Variants in LRIG2 observed in about 807,000 individuals in gnomAD.
The protein encoded by LRIG2 is leucine rich repeats and immunoglobulin like domains 2.
Under a neutral mutation model 107.8 loss-of-function variants are expected in LRIG2, and 93 were observed. The observed-to-expected ratio is 0.86, with a 90% CI of 0.73 to 1.03. The LOEUF is 1.03. Among genes scored for constraint, LRIG2 ranks in the 50% least tolerant of loss-of-function variants. The pLI, the probability that LRIG2 is intolerant of heterozygous loss-of-function variation, is 0.00. For missense variants in LRIG2, 1,226 were observed against 1,296.0 expected, an observed-to-expected ratio of 0.95 and a Z score of 0.83; for synonymous variants, 471 against 470.6, an observed-to-expected ratio of 1.00 and a Z score of -0.01.
chr1:113,111,360 A>G (rs1654766532), intron 13 of LRIG2, among the ~76,000 whole-genome samples: 1 of 152,328 alleles, frequency 6.6e-6, no homozygotes, highest in East Asian at 1.9e-4. Flanking sequence ...TTTGGGGTAC[A>G]AGTGAGTTTT....
chr1:113,091,039 A>C (rs1338255139), intron 1 of LRIG2, among the ~76,000 whole-genome samples: 5 of 151,380 alleles, frequency 3.3e-5, no homozygotes, highest in African/African-American at 9.7e-5. Flanking sequence ...TTTAGTAGAG[A>C]TGGGGTTTCA....
At chr1:113,096,442 T>G in intron 8 of LRIG2, 77 bp downstream of exon 8, 1 of 1,447,840 alleles carries the variant, frequency 6.9e-7, no homozygotes, top group Non-Finnish European at 9.4e-7. Context: ...TTAAAACAAC[T>G]AATCAGTCTG....
rs142328904 is a variant in LRIG2, at chr1:113,116,720, G to T, written c.2680+284G>T. Among the ~76,000 whole-genome samples the T allele has an allele frequency of 3.6e-3, 542 of 152,230 alleles. 4 individuals are homozygous for T. Among genetic ancestry groups the T allele is most frequent in the African/African-American group, 0.012 (516 of 41,544 alleles). On this transcript the variant is annotated intron_variant, in intron 16 of 17. Transcript: ENST00000361127. ...AGGGATATTCTGCAAACTTTTTTCA[G>T]GTATCTCTTTCTTACCCTTTTCAGG...
chr1:113,107,703 G>A lies in LRIG2; in HGVS notation c.1423G>A (p.Glu475Lys). ...HSVNVSCAHP[E>K]WLAGQSILNV... ...TGTGAATGTAAGCTGTGCACACCCT[G>A]AATGGCTAGCAGGGCAAAGCATCCT... The change falls in exon 12 of 18, where the codon GAA becomes AAA. Residue 475 changes from glutamate to lysine, a missense_variant. By Grantham distance (56) the Glu-to-Lys change is moderately conservative. This residue lies in a region of LRIG2 where 14 missense variants were observed against 33.6 expected (regional missense o/e 0.42). Transcript: ENST00000361127. The A allele has an allele frequency of 6.2e-7, 1 of 1,613,626 alleles. No individual in the cohort carries two copies.
intron 8 of LRIG2, among the ~76,000 whole-genome samples, chr1:113,098,019 CTTAAGGAA>C (rs1654141828): frequency 6.6e-6 from 1 of 152,082 alleles, no homozygotes; most frequent in Admixed American, 6.6e-5. Context: ...TATGAGATGA[CTTAAGGAA>C]GCAAAAGCGA....
rs375852523 is a variant in LRIG2, at chr1:113,119,400, C to G, written c.2848C>G (p.Pro950Ala). The change falls in exon 17 of 18, where the codon CCT becomes GCT. Residue 950 changes from proline (P) to alanine (A), a missense_variant. Physicochemically the swap from Pro to Ala is conservative, Grantham distance 27. Around this residue, in one of 3 missense-constraint regions of LRIG2, gnomAD observed 642 missense variants for 712.2 expected, o/e 0.90. Transcript: ENST00000361127. ...QMPKETYLVH[P>A]PQDTTALESL... is the part of the protein sequence containing the mutation. ...GCCTAAAGAGACATATTTAGTACAT[C>G]CTCCCCAGGATACTACTGCCCTAGA... is the stretch of plus-strand genomic sequence containing the variant. 6.2e-7 allele frequency: 1 copy of G among 1,614,042 alleles called. No homozygotes were observed. Among genetic ancestry groups the G allele is most frequent in the Admixed American group, 1.7e-5 (1 of 60,000 alleles).
chr1:113,122,125 CA>C (rs1655288727), intron 17 of LRIG2, among the ~76,000 whole-genome samples: 1 of 149,044 alleles, frequency 6.7e-6, no homozygotes, highest in South Asian at 2.2e-4. Flanking sequence ...CTCTGTCGCC[CA>C]GGCTGGAGTG....
At chr1:113,087,207 T>A (rs982797937) in intron 1 of LRIG2, among the ~76,000 whole-genome samples, 1 of 151,828 alleles carries the variant, frequency 6.6e-6, no homozygotes, top group African/African-American at 2.4e-5. Context: ...TCCTGCTTTT[T>A]AAAAAAAAAT....
At chr1:113,080,924 A>G (rs1570724607) in intron 1 of LRIG2, among the ~76,000 whole-genome samples, 1 of 148,574 alleles carries the variant, frequency 6.7e-6, no homozygotes, top group South Asian at 2.1e-4. Flanking sequence ...GCTCACTGCA[A>G]CCTGTGCTTC....
chr1:113,074,317 C>T (rs894781350), intron 1 of LRIG2, among the ~76,000 whole-genome samples: 3 of 152,176 alleles, frequency 2.0e-5, no homozygotes, highest in East Asian at 1.9e-4. Context: ...TTCAGCGCAT[C>T]TTCTTGTGGC....
At chr1:113,109,394 C>T (rs540608078) in intron 12 of LRIG2, among the ~76,000 whole-genome samples, 143 of 152,346 alleles carry the variant, frequency 9.4e-4, no homozygotes, top group African/African-American at 3.4e-3. Flanking sequence ...TTCACTACTT[C>T]AGGTGAAACC....
At position 113,114,650 on chromosome 1, in the gene LRIG2, G is replaced by T. The variant is rs1654923231; in HGVS notation, c.2304G>T (p.Met768Ile). Residue 768 changes from methionine (M) to isoleucine (I), a missense_variant, in exon 15 of 18, where the codon ATG becomes ATT. Met to Ile is a conservative substitution (Grantham distance 10). This residue lies in a region of LRIG2 where 642 missense variants were observed against 712.2 expected (regional missense o/e 0.90). Transcript: ENST00000361127. ...ATGCTGGGAAATATACCTGCATTAT[G>T]TCTAACACCCTTGGGACAGAACGTG... ...LEDAGKYTCI[M>I]SNTLGTERGH... 1 of 1,613,980 alleles carries T rather than the reference G, an allele frequency of 6.2e-7. No individual in the cohort carries two copies. The highest frequency in any genetic ancestry group is 1.7e-5 in the Admixed American group (1 of 59,984).
At chr1:113,086,839 C>T (rs1225819399) in intron 1 of LRIG2, among the ~76,000 whole-genome samples, 3 of 152,140 alleles carry the variant, frequency 2.0e-5, no homozygotes, top group Admixed American at 6.6e-5. Flanking sequence ...GACCTTTACT[C>T]CTCTGTCATC....
intron 1 of LRIG2, among the ~76,000 whole-genome samples, chr1:113,081,188 A>G (rs1200545589): frequency 6.6e-6 from 1 of 152,128 alleles, no homozygotes; most frequent in African/African-American, 2.4e-5. Flanking sequence ...TGCATCTGGG[A>G]TGTTTCGTCT....
At chr1:113,120,830 T>A (rs1337148954) in intron 17 of LRIG2, among the ~76,000 whole-genome samples, 3 of 150,840 alleles carry the variant, frequency 2.0e-5, no homozygotes, top group African/African-American at 4.9e-5. Context: ...TTTTTTTTTT[T>A]TTATTTGAGA....
chr1:113,100,149 G>T, intron 9 of LRIG2, 62 bp from the exon 10 acceptor site: 1 of 1,004,626 alleles, frequency 1.0e-6, no homozygotes, highest in South Asian at 1.7e-5. Flanking sequence ...ATAGGTAAAT[G>T]TTTAATGAAT....
intron 2 of LRIG2, among the ~76,000 whole-genome samples, chr1:113,092,430 G>A (rs532866609): frequency 2.6e-5 from 4 of 152,270 alleles, no homozygotes; most frequent in Non-Finnish European, 5.9e-5. Context: ...TGGGTGGGCT[G>A]ATAAATTTCA....
chr1:113,099,541 G>A (rs1269564512), intron 9 of LRIG2, among the ~76,000 whole-genome samples: 1 of 151,934 alleles, frequency 6.6e-6, no homozygotes, highest in Non-Finnish European at 1.5e-5. Flanking sequence ...TGCCCAGCTA[G>A]TTTTTTTGTT....
chr1:113,108,560 T>G (rs201154878), intron 12 of LRIG2, among the ~76,000 whole-genome samples: 1 of 151,624 alleles, frequency 6.6e-6, no homozygotes, highest in Non-Finnish European at 1.5e-5. Context: ...CTTTCTCAAT[T>G]TGGAAAATTT....
Sources: allele counts gnomAD v4.1 joint callset (sites outside exome capture counted in the v4.1 genomes callset), GRCh38; gene constraint gnomAD v4.1.1; regional missense constraint gnomAD v4.1.1; transcripts MANE v1.5; gene names NCBI Gene and HGNC (gene_info 2026-07-23, HGNC 2026-07-21).